Variants in FHOD3 observed in about 807,000 individuals in gnomAD.
The protein encoded by FHOD3 is FH1/FH2 domain-containing protein 3.
FHOD3 carries 90 observed loss-of-function variants against 173.0 expected under a neutral mutation model. The ratio of observed to expected loss-of-function variants is 0.52; its 90% CI spans 0.44 to 0.62. FHOD3 has a LOEUF of 0.62. FHOD3 is among the 20% of genes least tolerant of loss of function. The pLI is 0.00. For missense variants in FHOD3, 1,945 were observed against 2,034.7 expected (o/e 0.96, Z 0.85); for synonymous variants, 828 against 823.0 (o/e 1.01, Z -0.10).
intron 3 of FHOD3, among the ~76,000 whole-genome samples, chr18:36,379,520 G>C (rs1279548875): frequency 6.6e-6 from 1 of 152,104 alleles, no homozygotes; most frequent in African/African-American, 2.4e-5. Flanking sequence ...TTATATCCTG[G>C]TTGGTCACTT....
intron 14 of FHOD3, among the ~76,000 whole-genome samples, chr18:36,675,888 C>T (rs2037824865): frequency 6.6e-6 from 1 of 152,176 alleles, no homozygotes; most frequent in Non-Finnish European, 1.5e-5. Flanking sequence ...CCTGTATAAA[C>T]TACCCTATTT....
At chr18:36,572,502 G>A (rs955361867) in intron 5 of FHOD3, among the ~76,000 whole-genome samples, 2 of 152,192 alleles carry the variant, frequency 1.3e-5, no homozygotes, top group Admixed American at 6.5e-5. Context: ...CAAAAAAGAT[G>A]TAGTGGGAAA....
chr18:36,557,508 TTCATGTAC>T (rs1488955084), intron 5 of FHOD3, among the ~76,000 whole-genome samples: 1 of 152,208 alleles, frequency 6.6e-6, no homozygotes. Flanking sequence ...TTTACTATCT[TTCATGTAC>T]TACTTAACTT....
intron 3 of FHOD3, among the ~76,000 whole-genome samples, chr18:36,430,071 A>T (rs2050450813): frequency 6.6e-6 from 1 of 152,202 alleles, no homozygotes; most frequent in South Asian, 2.1e-4. Flanking sequence ...ATACGTTTTC[A>T]TCTCTTCTTG....
intron 14 of FHOD3, among the ~76,000 whole-genome samples, chr18:36,666,169 C>T (rs1465164447): frequency 6.6e-6 from 1 of 152,246 alleles, no homozygotes; most frequent in African/African-American, 2.4e-5. Context: ...CCTGCTATTC[C>T]TTCCCATGGC....
At chr18:36,686,843 C>A (rs974885820) in intron 15 of FHOD3, among the ~76,000 whole-genome samples, 15 of 152,136 alleles carry the variant, frequency 9.9e-5, no homozygotes, top group African/African-American at 3.6e-4. Flanking sequence ...ACTTCTCTTT[C>A]CTCAGATACT....
chr18:36,475,783 C>G (rs1018144507), intron 3 of FHOD3, among the ~76,000 whole-genome samples: 43 of 151,100 alleles, frequency 2.8e-4, no homozygotes, highest in Non-Finnish European at 5.9e-4. Context: ...CACACACACA[C>G]ACACACACAC....
chr18:36,478,828 C>T (rs2053729152), intron 3 of FHOD3, among the ~76,000 whole-genome samples: 1 of 152,152 alleles, frequency 6.6e-6, no homozygotes, highest in Non-Finnish European at 1.5e-5. Flanking sequence ...CTACCCCAAT[C>T]CTCCCCACCT....
rs573485877 is a variant in FHOD3 at position 36,651,621 on chromosome 18, G to A, written c.1287-949G>A. 1.1e-4 allele frequency among the ~76,000 whole-genome samples: 17 copies of A among 152,038 alleles called. No individual in the cohort carries two copies. The South Asian group carries it at 1.5e-3, about 13-fold the overall frequency. The stretch of plus-strand genomic sequence containing the variant: ...TACAAAATTAGCCAGGTGTGGTATC[G>A]CATGCCTGTAATCCCAGCTACTTGG... On this transcript the variant is annotated intron_variant, in intron 11 of 28. Coordinates refer to ENST00000590592, the MANE Select transcript of FHOD3 (RefSeq NM_001281740.3).
chr18:36,750,742 G>A (rs2150153143), intron 24 of FHOD3, among the ~76,000 whole-genome samples: 2 of 152,292 alleles, frequency 1.3e-5, no homozygotes, highest in South Asian at 4.1e-4. Context: ...TGAATAGAGA[G>A]TCTTTTCCCC....
At chr18:36,743,905 C>T (rs1323237445) in intron 22 of FHOD3, 127 bp from the exon 23 acceptor site, 4 of 1,030,792 alleles carry the variant, frequency 3.9e-6, no homozygotes, top group Non-Finnish European at 5.9e-6. Context: ...AGCATGTGGC[C>T]CCAGGAGCTT....
At chr18:36,392,428 C>G (rs2048345955) in intron 3 of FHOD3, among the ~76,000 whole-genome samples, 1 of 152,184 alleles carries the variant, frequency 6.6e-6, no homozygotes, top group South Asian at 2.1e-4. Context: ...TCTCAAGTTT[C>G]CCTGAAGTGC....
chr18:36,642,577 C>T (rs1489129553), intron 10 of FHOD3, among the ~76,000 whole-genome samples: 15 of 120,498 alleles, frequency 1.2e-4, no homozygotes, highest in Admixed American at 3.8e-4. Context: ...AGCGAGACTC[C>T]GTCTCAAAAA....
At chr18:36,552,061 G>A (rs1412315902) in intron 5 of FHOD3, among the ~76,000 whole-genome samples, 8 of 152,146 alleles carry the variant, frequency 5.3e-5, no homozygotes, top group Admixed American at 5.2e-4. Context: ...GTTGGGGATG[G>A]CATTAAATCT....
chr18:36,730,989 G>C (rs1238727315), intron 20 of FHOD3, among the ~76,000 whole-genome samples, 185 bp downstream of exon 20: 3 of 152,116 alleles, frequency 2.0e-5, no homozygotes, highest in Admixed American at 2.0e-4. Context: ...TGCCTATGAA[G>C]TTCAGCAATC....
chr18:36,430,010 T>C (rs1465372448), intron 3 of FHOD3, among the ~76,000 whole-genome samples: 1 of 152,174 alleles, frequency 6.6e-6, no homozygotes, highest in African/African-American at 2.4e-5. Flanking sequence ...ACCTCTGCGC[T>C]TCTCTCCAGA....
At chr18:36,467,723 C>T (rs971120775) in intron 3 of FHOD3, among the ~76,000 whole-genome samples, 1 of 152,226 alleles carries the variant, frequency 6.6e-6, no homozygotes, top group African/African-American at 2.4e-5. Context: ...GTGCTTGGCA[C>T]ACACACGGCA....
At chr18:36,517,920 T>G (rs1236277236) in intron 5 of FHOD3, among the ~76,000 whole-genome samples, 1 of 152,116 alleles carries the variant, frequency 6.6e-6, no homozygotes, top group Non-Finnish European at 1.5e-5. Flanking sequence ...GGGGATCCCT[T>G]AATGAGAATC....
intron 3 of FHOD3, among the ~76,000 whole-genome samples, chr18:36,486,140 A>G (rs1255425182): frequency 6.6e-6 from 1 of 152,192 alleles, no homozygotes; most frequent in Admixed American, 6.5e-5. Context: ...CCATTTTCCC[A>G]TTGGCCACTA....
Sources: gnomAD v4.1 joint callset for allele counts (sites outside exome capture counted in the v4.1 genomes callset) on GRCh38, gnomAD v4.1.1 for gene constraint, MANE v1.5 for transcripts, NCBI Gene and HGNC (gene_info 2026-07-23, HGNC 2026-07-21) for gene names.